The following HOXA3 variants were observed in gnomAD, a reference collection of about 807,000 sequenced individuals.
The protein encoded by HOXA3 is homeobox A3.
Under a neutral mutation model 30.3 loss-of-function variants are expected in HOXA3, and 8 were observed. The observed-to-expected ratio is 0.26, with a 90% CI of 0.15 to 0.48. The LOEUF is 0.48. HOXA3 is among the 20% of genes least tolerant of loss of function. The pLI, the probability that HOXA3 is intolerant of heterozygous loss-of-function variation, is 0.99. For synonymous variants in HOXA3, 323 were observed against 273.1 expected (o/e 1.18, Z -1.80); for missense variants, 653 against 614.4 (o/e 1.06, Z -0.66).
intron 1 of HOXA3, chr7:27,147,096 C>T (rs901447477): frequency 3.3e-6 from 2 of 599,766 alleles, no homozygotes; most frequent in East Asian, 5.5e-5. Flanking sequence ...TGTCAGCTTA[C>T]ATGGACACTG....
intron 1 of HOXA3, chr7:27,145,402 T>C: frequency 1.8e-6 from 1 of 558,690 alleles, no homozygotes; most frequent in South Asian, 2.2e-5. Flanking sequence ...GGACTGGGTG[T>C]GTGCAGTGCG....
intron 2 of HOXA3, among the ~76,000 whole-genome samples, chr7:27,134,697 G>A (rs1548497): frequency 0.15 from 22,392 of 152,146 alleles, 2,083 homozygotes; most frequent in African/African-American, 0.25. Flanking sequence ...TTGGCTTCAA[G>A]CTCTTGGCCA....
At chr7:27,116,804 T>A (rs1484369059) in intron 4 of HOXA3, 4 of 152,214 alleles carry the variant, frequency 2.6e-5, no homozygotes, top group African/African-American at 9.7e-5. Flanking sequence ...GCTTACATTT[T>A]ATTTCCAAGG....
intron 1 of HOXA3, among the ~76,000 whole-genome samples, chr7:27,144,044 C>G (rs765135344): frequency 6.6e-5 from 10 of 152,238 alleles, no homozygotes; most frequent in Admixed American, 1.3e-4. Flanking sequence ...TTAGGATGTA[C>G]CAATTGTTAG....
Position 27,152,424 on chromosome 7 carries a change from G to C in HOXA3, c.-630C>G, listed in dbSNP as rs926833918. 4 of 1,153,402 alleles carry C rather than the reference G, an allele frequency of 3.5e-6. No individual in the cohort carries two copies. Among genetic ancestry groups the C allele is most frequent in the Non-Finnish European group, 4.3e-6 (4 of 921,646 alleles). 71.4% of individuals were successfully genotyped at this position (1,153,402 alleles called of 1,614,324 possible). On this transcript the variant is annotated 5_prime_UTR_variant, in exon 1 of 6. Coordinates refer to ENST00000612286, the MANE Select transcript of HOXA3 (RefSeq NM_153631.3). Reference sequence around the variant, plus strand: ...GGTTGCGAGTTGCAAAGCTGCTGCCGCGGCGCCGGGAACGGAGCGCGCCCA... The same window carrying C: ...GGTTGCGAGTTGCAAAGCTGCTGCCCCGGCGCCGGGAACGGAGCGCGCCCA...
intron 1 of HOXA3, chr7:27,151,547 A>G (rs934682157): frequency 2.2e-6 from 1 of 456,374 alleles, no homozygotes; most frequent in Non-Finnish European, 4.4e-6. Flanking sequence ...GTAACACCCA[A>G]TTAATCCCAT....
intron 4 of HOXA3, chr7:27,121,213 C>CTGTGTGTGTGTGTGTG (rs1491534734): frequency 4.2e-5 from 5 of 119,376 alleles, no homozygotes; most frequent in East Asian, 2.6e-4. Context: ...TCTTAGCCCA[C>CTGTGTGTGTGTGTGTG]TGTGTGCGTG....
intron 2 of HOXA3, among the ~76,000 whole-genome samples, chr7:27,139,716 C>A (rs753596338): frequency 6.6e-6 from 1 of 152,184 alleles, no homozygotes; most frequent in South Asian, 2.1e-4. Context: ...CTGGCCCCGG[C>A]CGGCCCAGCA....
chr7:27,126,154 C>A (rs1785272062), intron 3 of HOXA3, among the ~76,000 whole-genome samples: 1 of 152,162 alleles, frequency 6.6e-6, no homozygotes, highest in Non-Finnish European at 1.5e-5. Context: ...AGGAAGCCTG[C>A]AAAGTGCCAT....
intron 4 of HOXA3, among the ~76,000 whole-genome samples, chr7:27,119,277 C>T (rs1784893457): frequency 1.3e-5 from 2 of 151,966 alleles, no homozygotes; most frequent in Admixed American, 1.3e-4. Context: ...CAAGACAATT[C>T]TGTGTCCACC....
In HOXA3 at chr7:27,110,160, CTT is replaced by C; in HGVS notation, c.479_480del (p.Lys160ArgfsTer72). On this transcript the variant is annotated frameshift_variant, in exon 5 of 6. Transcript: ENST00000612286. LOFTEE classifies it high-confidence loss of function. The part of the protein sequence containing the change: ...TVAKQIFPWM[K>X]ESRQNTKQKT... Reference sequence around the variant, plus strand: ...TTCTGCTTTGTGTTTTGTCGAGACTCTTTCATCCAGGGGAAGATTTGTTTGGC... The same window carrying C: ...TTCTGCTTTGTGTTTTGTCGAGACTCTCATCCAGGGGAAGATTTGTTTGGC... 1 of 1,614,176 alleles carries C rather than the reference CTT, an allele frequency of 6.2e-7. No homozygotes were observed. The highest frequency in any genetic ancestry group is 8.5e-7 in the Non-Finnish European group (1 of 1,180,040).
rs944331407 is a variant in HOXA3, at chr7:27,152,583, C to A, written c.-789G>T. On this transcript the variant is annotated 5_prime_UTR_variant, in exon 1 of 6. Transcript: ENST00000612286. The stretch of plus-strand genomic sequence containing the variant: ...CAGGACGGAGCGGAGCAAAAGAATG[C>A]GGCTCTATTCTCGCAAGGGAAATTA... 1.0e-5 allele frequency: 12 copies of A among 1,191,656 alleles called. No homozygotes were observed. Among genetic ancestry groups the A allele is most frequent in the Non-Finnish European group, 1.3e-5 (12 of 943,930 alleles). The allele number at this position is 1,191,656 out of a possible 1,614,324, so 73.8% of individuals were successfully genotyped here.
rs751263941 is a variant in HOXA3 at position 27,147,535 on chromosome 7, T to A, written c.-494+4753A>T. On this transcript the variant is annotated intron_variant, in intron 1 of 5. Coordinates refer to ENST00000612286, the MANE Select transcript of HOXA3 (RefSeq NM_153631.3). ...ATAGAAACACGAGGCCCCGTACTCG[T>A]AGGACGCCCGGTTGCAGGCCAGGAC... is the stretch of plus-strand genomic sequence containing the variant. 4 of 1,614,168 alleles carry A rather than the reference T, an allele frequency of 2.5e-6. No homozygotes were observed. The Admixed American group carries it at 6.7e-5, about 27-fold the overall frequency.
Position 27,107,914 on chromosome 7 carries a change from A to T in HOXA3, c.*1T>A. ...CCTGGCGCGTAGCCCCAAGCCCACT[A>T]TCACAGGTGGGTGAGCTTGGGTGCT... On this transcript the variant is annotated 3_prime_UTR_variant, in exon 6 of 6. Coordinates refer to ENST00000612286, the MANE Select transcript of HOXA3 (RefSeq NM_153631.3). 1 of 1,562,638 alleles carries T rather than the reference A, an allele frequency of 6.4e-7. No individual in the cohort carries two copies. The highest frequency in any genetic ancestry group is 8.7e-7 in the Non-Finnish European group (1 of 1,147,308).
chr7:27,118,822 C>G (rs1013610704), intron 4 of HOXA3, among the ~76,000 whole-genome samples: 4 of 152,226 alleles, frequency 2.6e-5, no homozygotes, highest in Non-Finnish European at 4.4e-5. Context: ...CGGACTTCCT[C>G]ACAGCCTGCC....
At position 27,142,970 on chromosome 7, in the gene HOXA3, G is replaced by A. The variant is rs1276387313; in HGVS notation, c.-493-2784C>T. 12 of 1,312,762 alleles carry A rather than the reference G, an allele frequency of 9.1e-6. No homozygotes were observed. In the Admixed American group the frequency reaches 2.9e-4, roughly 32 times the overall value. 81.3% of individuals were successfully genotyped at this position (1,312,762 alleles called of 1,614,324 possible). On this transcript the variant is annotated intron_variant, in intron 1 of 5. Coordinates refer to ENST00000612286, the MANE Select transcript of HOXA3 (RefSeq NM_153631.3). ...AATGAGACCAAGAGAGACTGGGAGA[G>A]GGCGGCAGAGAAGAGAGGGGGGACC... is the stretch of plus-strand genomic sequence containing the variant.
intron 2 of HOXA3, chr7:27,130,612 C>G (rs1253612763): frequency 6.5e-7 from 1 of 1,547,210 alleles, no homozygotes; most frequent in Non-Finnish European, 8.7e-7. Context: ...CTGCTGGTAG[C>G]CGGGGCCCCC....
At chr7:27,125,512 A>G (rs1583391377) in intron 3 of HOXA3, among the ~76,000 whole-genome samples, 1 of 152,380 alleles carries the variant, frequency 6.6e-6, no homozygotes. Flanking sequence ...CATCAAGGGA[A>G]CAGAACACAC....
intron 1 of HOXA3, chr7:27,147,701 C>T: frequency 1.2e-6 from 2 of 1,612,974 alleles, no homozygotes; most frequent in Middle Eastern, 1.6e-4. Flanking sequence ...GAGTCCTGGC[C>T]GCTGGGAAGG....
Sources: gnomAD v4.1 joint callset for allele counts (sites outside exome capture counted in the v4.1 genomes callset) on GRCh38, gnomAD v4.1.1 for gene constraint, MANE v1.5 for transcripts, NCBI Gene and HGNC (gene_info 2026-07-23, HGNC 2026-07-21) for gene names.